Variants in TLR2 observed in about 807,000 individuals in gnomAD.
TLR2 encodes the protein toll-like receptor 2.
Under a neutral mutation model 9.1 loss-of-function variants are expected in TLR2, and 7 were observed. The ratio of observed to expected loss-of-function variants is 0.77; its 90% confidence interval spans 0.44 to 1.44. The LOEUF (loss-of-function observed/expected upper bound fraction) is 1.44, where lower values mean the gene tolerates loss of function less well. TLR2 is among the 40% of genes most tolerant of loss of function. The pLI is 0.01. For synonymous variants in TLR2, 317 were observed against 344.6 expected (o/e 0.92, Z 0.89); for missense variants, 812 against 904.6 (o/e 0.90, Z 1.31).
chr4:153,709,349 G>A (rs62325060), downstream of TLR2, among the ~76,000 whole-genome samples: 21,142 of 152,196 alleles, frequency 0.14, 1,974 homozygotes, highest in Non-Finnish European at 0.2. Flanking sequence ...CAGAGTAGAT[G>A]TCTGGTGTTA....
chr4:153,704,790 A>G lies in TLR2; in HGVS notation c.1883A>G (p.Lys628Arg), dbSNP rs747255818. The change falls in exon 3 of 3, where the codon AAA becomes AGA. Residue 628 changes from lysine (K) to arginine (R), a missense_variant. Lys to Arg is a conservative substitution (Grantham distance 26). Transcript: ENST00000642700. ...MKMMWAWLQA[K>R]RKPRKAPSRN... ...ATGATGTGGGCCTGGCTCCAGGCCA[A>G]AAGGAAGCCCAGGAAAGCTCCCAGC... The G allele has an allele frequency of 6.2e-7, 1 of 1,614,040 alleles. No homozygotes were observed. The highest frequency in any genetic ancestry group is 1.1e-5 in the South Asian group (1 of 91,060).
chr4:153,689,939 C>T lies in TLR2; in HGVS notation c.-17+1892C>T, dbSNP rs141674521. On this transcript the variant is annotated intron_variant, in intron 2 of 2. Transcript: ENST00000642700. Reference sequence around the variant, plus strand: ...TTTGGGTCCTCCTCAGCATCAGTCTCGACATGGCTGCAACCAGAGGGTCCT... The same window carrying T: ...TTTGGGTCCTCCTCAGCATCAGTCTTGACATGGCTGCAACCAGAGGGTCCT... Among the ~76,000 whole-genome samples, 198 of 152,264 alleles carry T rather than the reference C, an allele frequency of 1.3e-3. 1 individual carries two copies. The highest frequency in any genetic ancestry group is 4.1e-3 in the African/African-American group (171 of 41,548).
Position 153,703,565 on chromosome 4 carries a change from G to A in TLR2, c.658G>A (p.Val220Ile), listed in dbSNP as rs1737086053. Residue 220 changes from valine to isoleucine, a missense_variant, in exon 3 of 3, where the codon GTT (valine) becomes ATT (isoleucine). By Grantham distance (29) the Val-to-Ile change is conservative. Transcript: ENST00000642700. ...HILLLEIFVD[V>I]TSSVECLELR... ...TTTACTGCTGGAGATTTTTGTAGAT[G>A]TTACAAGTTCCGTGGAATGTTTGGA... is the stretch of plus-strand genomic sequence containing the variant. 6.2e-7 allele frequency: 1 copy of A among 1,614,108 alleles called. No homozygotes were observed. The highest frequency in any genetic ancestry group is 8.5e-7 in the Non-Finnish European group (1 of 1,180,014).
chr4:153,704,456 G>A lies in TLR2; in HGVS notation c.1549G>A (p.Glu517Lys). Reference sequence around the variant, plus strand: ...GAATGCAATAACTACGTTTTCTAAGGAGCAACTTGACTCATTTCACACACT... The same window carrying A: ...GAATGCAATAACTACGTTTTCTAAGAAGCAACTTGACTCATTTCACACACT... ...SRNAITTFSK[E>K]QLDSFHTLKT... Residue 517 changes from glutamate to lysine, a missense_variant, in exon 3 of 3, where the codon GAG becomes AAG. Transcript: ENST00000642700. The A allele has an allele frequency of 6.2e-7, 1 of 1,614,100 alleles. No homozygotes were observed. Among genetic ancestry groups the A allele is most frequent in the South Asian group, 1.1e-5 (1 of 91,078 alleles).
At chr4:153,687,301 A>G (rs1898830) in intron 1 of TLR2, among the ~76,000 whole-genome samples, 46,871 of 152,062 alleles carry the variant, frequency 0.31, 8,193 homozygotes, top group South Asian at 0.54. Context: ...CAGAGAAATC[A>G]GAACAGGGGA....
chr4:153,704,757 A>T lies in TLR2; in HGVS notation c.1850A>T (p.Tyr617Phe). ...TGCCACCGTTTCCATGGCCTGTGGT[A>T]TATGAAAATGATGTGGGCCTGGCTC... ...VLCHRFHGLW[Y>F]MKMMWAWLQA... Residue 617 changes from tyrosine to phenylalanine, a missense_variant, in exon 3 of 3, where the codon TAT (tyrosine) becomes TTT (phenylalanine). Physicochemically the swap from Tyr to Phe is conservative, Grantham distance 22. Coordinates refer to ENST00000642700, the MANE Select transcript of TLR2 (RefSeq NM_001318789.2). 6.2e-7 allele frequency: 1 copy of T among 1,613,962 alleles called. No homozygotes were observed. Among genetic ancestry groups the T allele is most frequent in the Non-Finnish European group, 8.5e-7 (1 of 1,179,980 alleles).
Position 153,699,174 on chromosome 4 carries a change from A to G in TLR2, c.-16-3718A>G, listed in dbSNP as rs796438811. On this transcript the variant is annotated intron_variant, in intron 2 of 2. Coordinates refer to ENST00000642700, the MANE Select transcript of TLR2 (RefSeq NM_001318789.2). ...ACCCCTGTAGCACACAGTGTCCCAC[A>G]GGGAACTGTCTCTTGTGCCCCTCTA... Among the ~76,000 whole-genome samples the G allele has an allele frequency of 3.9e-5, 6 of 152,308 alleles. No homozygotes were observed. The South Asian group carries it at 1.0e-3, about 26-fold the overall frequency.
Position 153,705,287 on chromosome 4 carries a change from TG to T in TLR2, c.*26del. ...GGTTCCCATATTTAAGACCAGTCTT[TG>T]TCTAGTTGGGATCTTTATGTCACTA... On this transcript the variant is annotated 3_prime_UTR_variant, in exon 3 of 3. Coordinates refer to ENST00000642700, the MANE Select transcript of TLR2 (RefSeq NM_001318789.2). The T allele has an allele frequency of 6.6e-7, 1 of 1,525,410 alleles. No homozygotes were observed. Among genetic ancestry groups the T allele is most frequent in the Non-Finnish European group, 8.8e-7 (1 of 1,137,552 alleles). 94.5% of individuals were successfully genotyped at this position (1,525,410 alleles called of 1,614,324 possible).
downstream of TLR2, among the ~76,000 whole-genome samples, chr4:153,708,078 A>T (rs2127075494): frequency 6.6e-6 from 1 of 152,326 alleles, no homozygotes; most frequent in African/African-American, 2.4e-5. Context: ...TACTTTACAA[A>T]ATTGGGATTA....
intron 1 of TLR2, among the ~76,000 whole-genome samples, chr4:153,685,484 C>T (rs973625044): frequency 2.6e-5 from 4 of 152,070 alleles, no homozygotes; most frequent in African/African-American, 9.7e-5. Context: ...GCTATGGTGG[C>T]CTGACTTGAA....
intron 2 of TLR2, among the ~76,000 whole-genome samples, chr4:153,701,064 A>T (rs1224876057): frequency 6.6e-6 from 1 of 152,244 alleles, no homozygotes; most frequent in African/African-American, 2.4e-5. Context: ...GAAATATTTT[A>T]AAAATAGGCT....
intron 2 of TLR2, 120 bp from the exon 3 acceptor site, chr4:153,702,758 CTCTTTGTGTGTGTG>C: frequency 1.6e-6 from 1 of 629,804 alleles, no homozygotes; most frequent in Non-Finnish European, 2.5e-6. Flanking sequence ...CTCTCTCTCT[CTCTTTGTGTGTGTG>C]TGTGTGTGTG....
intron 2 of TLR2, among the ~76,000 whole-genome samples, chr4:153,697,012 A>C (rs1248800315): frequency 6.6e-6 from 1 of 152,172 alleles, no homozygotes; most frequent in Non-Finnish European, 1.5e-5. Flanking sequence ...GGAAAAAATA[A>C]AATAATATTT....
chr4:153,688,860 G>A (rs1172348184), intron 2 of TLR2, among the ~76,000 whole-genome samples: 1 of 152,212 alleles, frequency 6.6e-6, no homozygotes, highest in Non-Finnish European at 1.5e-5. Flanking sequence ...CCAGGTTTGG[G>A]AGCCTGTTCC....
chr4:153,710,272 A>T, downstream of TLR2: 1 of 967,470 alleles, frequency 1.0e-6, no homozygotes. Context: ...TTAGTTTTCT[A>T]AACACTTGGG....
chr4:153,693,984 A>G (rs965614411), intron 2 of TLR2, among the ~76,000 whole-genome samples: 1 of 152,216 alleles, frequency 6.6e-6, no homozygotes, highest in Non-Finnish European at 1.5e-5. Context: ...AGACACACAC[A>G]CAGAAACATA....
chr4:153,710,396 G>A (rs1398841724), downstream of TLR2: 2 of 1,562,334 alleles, frequency 1.3e-6, no homozygotes, highest in African/African-American at 1.4e-5. Flanking sequence ...AATAGATAAT[G>A]CCTTGAACTA....
chr4:153,709,897 G>A (rs1358493276), downstream of TLR2, among the ~76,000 whole-genome samples: 1 of 152,236 alleles, frequency 6.6e-6, no homozygotes, highest in Non-Finnish European at 1.5e-5. Flanking sequence ...GAGCTCTGTG[G>A]TGCAGAAGCT....
intron 2 of TLR2, among the ~76,000 whole-genome samples, chr4:153,688,943 C>T (rs1195066364): frequency 1.3e-5 from 2 of 152,194 alleles, no homozygotes; most frequent in Non-Finnish European, 2.9e-5. Context: ...CTACTTCTTG[C>T]AGGAGTCGGG....
Sources: gnomAD v4.1 joint callset for allele counts (sites outside exome capture counted in the v4.1 genomes callset) on GRCh38, gnomAD v4.1.1 for gene constraint, MANE v1.5 for transcripts, NCBI Gene and HGNC (gene_info 2026-07-23, HGNC 2026-07-21) for gene names.